Variants in CACNA1C observed in about 807,000 individuals in gnomAD.
CACNA1C encodes calcium voltage-gated channel subunit alpha1 C.
CACNA1C carries 30 observed loss-of-function variants against 229.0 expected under a neutral mutation model. The observed-to-expected ratio is 0.13, with a 90% CI of 0.10 to 0.18. CACNA1C has a LOEUF of 0.18. Ranked by LOEUF, CACNA1C falls within the 10% of genes least tolerant of loss-of-function variation. The pLI is 1.00. For missense variants in CACNA1C, 1,658 were observed against 2,845.0 expected (o/e 0.58, Z 9.49); for synonymous variants, 1,114 against 1,132.5 (o/e 0.98, Z 0.33).
rs1004892080 is a variant in CACNA1C, at chr12:2,504,381, C to T, written c.1114-461C>T. The T allele has an allele frequency of 4.7e-5, 48 of 1,029,280 alleles. No individual in the cohort carries two copies. In the African/African-American group the frequency reaches 6.5e-4, roughly 14 times the overall value. 63.8% of individuals were successfully genotyped at this position (1,029,280 alleles called of 1,614,324 possible). A position where few individuals can be genotyped will look rare whatever the true frequency, so the allele number is the denominator to read the frequency against. ...ATCTGCTCACACCTGCTGCCTGCCT[C>T]TTTGCTGTAACCCAATTCTGCTTCT... On this transcript the variant is annotated intron_variant, in intron 7 of 46. Coordinates refer to ENST00000399655, the MANE Select transcript of CACNA1C (RefSeq NM_000719.7). This position sits in a 1 kb window ranked among gnomAD's most constrained non-coding sequence, Gnocchi z 6.8.
intron 3 of CACNA1C, among the ~76,000 whole-genome samples, chr12:2,184,055 A>G (rs1440251119): frequency 6.6e-6 from 1 of 152,190 alleles, no homozygotes; most frequent in Non-Finnish European, 1.5e-5. Context: ...CTTTTTCTGC[A>G]GGAATCTCCT....
rs185165883 is a variant in CACNA1C at position 2,590,078 on chromosome 12, A to C, written c.2531-3135A>C. On this transcript the variant is annotated intron_variant, in intron 18 of 46. Transcript: ENST00000399655. ...TAGCAGACTCTTGCGCCCTGCTAGAAACTAAGCTCCTTGAGGACAAGAACC... is the reference window on the plus strand; with the variant it reads ...TAGCAGACTCTTGCGCCCTGCTAGACACTAAGCTCCTTGAGGACAAGAACC... Among the ~76,000 whole-genome samples the C allele has an allele frequency of 3.8e-4, 58 of 152,252 alleles. 1 individual carries two copies. Among genetic ancestry groups the C allele is most frequent in the African/African-American group, 1.4e-3 (57 of 41,568 alleles).
Position 2,053,480 on chromosome 12 carries a change from G to A in CACNA1C, c.-83G>A. 2 of 1,524,096 alleles carry A rather than the reference G, an allele frequency of 1.3e-6. No individual in the cohort carries two copies. Among genetic ancestry groups the A allele is most frequent in the South Asian group, 1.2e-5 (1 of 80,492 alleles). The allele number at this position is 1,524,096 out of a possible 1,614,324, so 94.4% of individuals were successfully genotyped here. ...GCGAAAGCCGCCGGCCTCGGAGGAG[G>A]GATTAATCCAGACCCGCCGGGGGGT... On this transcript the variant is annotated 5_prime_UTR_variant, in exon 1 of 47. Coordinates refer to ENST00000399655, the MANE Select transcript of CACNA1C (RefSeq NM_000719.7). This position sits in a 1 kb window ranked among gnomAD's most constrained non-coding sequence, Gnocchi z 5.8.
intron 5 of CACNA1C, among the ~76,000 whole-genome samples, chr12:2,475,678 C>T (rs75585048): frequency 0.012 from 1,859 of 152,266 alleles, 19 homozygotes; most frequent in Non-Finnish European, 0.021. Context: ...GATAATCAAA[C>T]ACAGAAACTG....
intron 3 of CACNA1C, among the ~76,000 whole-genome samples, chr12:2,447,753 G>C (rs1238402573): frequency 6.6e-6 from 1 of 152,192 alleles, no homozygotes. Flanking sequence ...GCCTTTGTGG[G>C]CAACATCCCT....
chr12:2,582,252 G>A (rs1235627784), intron 14 of CACNA1C, among the ~76,000 whole-genome samples: 4 of 151,884 alleles, frequency 2.6e-5, no homozygotes, highest in African/African-American at 4.8e-5. Flanking sequence ...GGAGGGTGAC[G>A]AAACCCTGGC....
At chr12:2,024,479 A>G (rs573181999) in intron 1 of CACNA1C, among the ~76,000 whole-genome samples, 1 of 152,276 alleles carries the variant, frequency 6.6e-6, no homozygotes, top group Non-Finnish European at 1.5e-5. Context: ...CTGCCCACCT[A>G]GAGTGTTGCC....
At chr12:2,103,214 G>A (rs1259004281) in intron 1 of CACNA1C, among the ~76,000 whole-genome samples, 3 of 152,174 alleles carry the variant, frequency 2.0e-5, no homozygotes, top group Non-Finnish European at 4.4e-5. Context: ...GTGTAAAAGT[G>A]TTCCTATTTC....
intron 3 of CACNA1C, among the ~76,000 whole-genome samples, chr12:2,276,028 G>C (rs532828936): frequency 1.8e-4 from 27 of 151,968 alleles, no homozygotes; most frequent in Non-Finnish European, 3.8e-4. Context: ...ACCATTTTAT[G>C]TATTTTACAT....
At chr12:2,338,665 G>A (rs1204192075) in intron 3 of CACNA1C, among the ~76,000 whole-genome samples, 1 of 152,144 alleles carries the variant, frequency 6.6e-6, no homozygotes, top group Non-Finnish European at 1.5e-5. Flanking sequence ...GTGTGAAGTG[G>A]GTAACTTTGG....
intron 1 of CACNA1C, among the ~76,000 whole-genome samples, chr12:2,024,278 T>G (rs3858699): frequency 0.01 from 1,548 of 152,364 alleles, 22 homozygotes; most frequent in African/African-American, 0.035. Flanking sequence ...ATCTTGGTTC[T>G]GACTGTCAGG....
At chr12:2,274,134 G>A (rs776699865) in intron 3 of CACNA1C, among the ~76,000 whole-genome samples, 3 of 152,282 alleles carry the variant, frequency 2.0e-5, no homozygotes, top group Middle Eastern at 3.4e-3. Flanking sequence ...TTATCTTCAC[G>A]GCCTCCTCGT....
intron 42 of CACNA1C, chr12:2,682,171 A>G: frequency 1.5e-6 from 1 of 656,376 alleles, no homozygotes; most frequent in Non-Finnish European, 2.7e-6. Flanking sequence ...CCCAGGTGTC[A>G]TAGCTGGAGG....
chr12:2,398,767 C>G (rs1231176599), intron 3 of CACNA1C, among the ~76,000 whole-genome samples: 1 of 152,158 alleles, frequency 6.6e-6, no homozygotes, highest in African/African-American at 2.4e-5. Flanking sequence ...CCTGGTGAGA[C>G]AGCCCAAAGG....
chr12:2,438,816 G>C (rs76668488), intron 3 of CACNA1C, among the ~76,000 whole-genome samples: 4,460 of 152,162 alleles, frequency 0.029, 91 homozygotes, highest in Non-Finnish European at 0.042. Context: ...AGTGGGGAGA[G>C]GCCATGGGGT....
chr12:2,052,944 G>C, upstream of CACNA1C: 1 of 976,158 alleles, frequency 1.0e-6, no homozygotes, highest in Non-Finnish European at 1.2e-6. Flanking sequence ...GCGCGGCGGG[G>C]CTGGGCCGGG....
intron 9 of CACNA1C, among the ~76,000 whole-genome samples, chr12:2,549,258 G>A (rs1257018537): frequency 3.9e-5 from 6 of 152,102 alleles, no homozygotes. Flanking sequence ...ATCCCTACAG[G>A]CTGTCTTCTG....
At position 2,606,655 on chromosome 12, in the gene CACNA1C, G is replaced by A. The variant is rs758461435; in HGVS notation, c.3201G>A (p.Ala1067=). ...TCSDSSKQTE[A]ECKGNYITYK... ...CAGACAGTTCCAAGCAGACAGAGGC[G>A]GAATGCAAGTGAGTAGAGGTGGGAG... Residue 1067 remains alanine, a synonymous_variant, in exon 25 of 47, where the codon GCG becomes GCA. Transcript: ENST00000399655. 4.0e-5 allele frequency: 64 copies of A among 1,608,892 alleles called. No individual in the cohort carries two copies. Among genetic ancestry groups the A allele is most frequent in the African/African-American group, 1.5e-4 (11 of 74,806 alleles).
chr12:2,151,133 G>T (rs1307392602), intron 3 of CACNA1C, among the ~76,000 whole-genome samples: 1 of 152,144 alleles, frequency 6.6e-6, no homozygotes, highest in Non-Finnish European at 1.5e-5. Context: ...GATTCCTATG[G>T]CCACAACTCA....
Sources: gnomAD v4.1 joint callset for allele counts (sites outside exome capture counted in the v4.1 genomes callset) on GRCh38, gnomAD v4.1.1 for gene constraint, Gnocchi (gnomAD v3.1) non-coding constraint, MANE v1.5 for transcripts, NCBI Gene and HGNC (gene_info 2026-07-23, HGNC 2026-07-21) for gene names.